The following LAMC3 variants were observed in gnomAD, a reference collection of about 807,000 sequenced individuals.
The protein encoded by LAMC3 is laminin subunit gamma-3.
LAMC3 carries 128 observed loss-of-function variants against 173.8 expected under a neutral mutation model. The observed-to-expected ratio is 0.74, with a 90% CI of 0.64 to 0.85. The LOEUF (loss-of-function observed/expected upper bound fraction) is 0.85. Ranked by LOEUF, LAMC3 falls within the 40% of genes least tolerant of loss-of-function variation. LAMC3 has a pLI of 0.00. For synonymous variants in LAMC3, 897 were observed against 909.1 expected (o/e 0.99, Z 0.24); for missense variants, 2,022 against 2,156.0 (o/e 0.94, Z 1.23).
At chr9:131,033,222 G>A (rs1477087179) in intron 3 of LAMC3, among the ~76,000 whole-genome samples, 2 of 152,232 alleles carry the variant, frequency 1.3e-5, no homozygotes, top group Non-Finnish European at 2.9e-5. Context: ...GGAGGGCTGT[G>A]GGACGAGGGA....
chr9:131,018,086 A>C (rs1210001793), intron 1 of LAMC3, among the ~76,000 whole-genome samples: 5 of 152,088 alleles, frequency 3.3e-5, no homozygotes, highest in Non-Finnish European at 7.4e-5. Flanking sequence ...GTGATGAAAA[A>C]GTTTCTTCCA....
At position 131,021,903 on chromosome 9, in the gene LAMC3, C is replaced by A. The variant is rs116031888; in HGVS notation, c.374-4382C>A. On this transcript the variant is annotated intron_variant, in intron 1 of 27. Coordinates refer to ENST00000361069, the MANE Select transcript of LAMC3 (RefSeq NM_006059.4). ...AGCAGGGTGAGGAACGGTGAAGGGA[C>A]GGGAGCTTCCATGCCCTCCCTGGGT... is the stretch of plus-strand genomic sequence containing the variant. Among the ~76,000 whole-genome samples, 1,039 of 152,272 alleles carry A rather than the reference C, an allele frequency of 6.8e-3. 12 individuals are homozygous for A. The highest frequency in any genetic ancestry group is 0.024 in the African/African-American group (1,005 of 41,556).
intron 12 of LAMC3, among the ~76,000 whole-genome samples, chr9:131,059,151 G>A (rs891952207): frequency 1.3e-5 from 2 of 151,512 alleles, no homozygotes; most frequent in Non-Finnish European, 2.9e-5. Context: ...AGCCGGGATC[G>A]CGCCGCTGCA....
At chr9:131,032,896 A>G (rs924146019) in intron 3 of LAMC3, among the ~76,000 whole-genome samples, 8 of 152,190 alleles carry the variant, frequency 5.3e-5, no homozygotes, top group African/African-American at 4.8e-5. Flanking sequence ...TTGAACTCCC[A>G]GCCTCAGGTG....
At chr9:131,043,372 C>G (rs1205520495) in intron 7 of LAMC3, among the ~76,000 whole-genome samples, 1 of 152,134 alleles carries the variant, frequency 6.6e-6, no homozygotes. Context: ...GGAGAAGTGG[C>G]AGATTCTGGG....
rs573197302 is a variant in LAMC3, at chr9:131,038,252, G to A, written c.977-612G>A. Among the ~76,000 whole-genome samples the A allele has an allele frequency of 2.1e-3, 321 of 152,284 alleles. 3 individuals carry two copies. The highest frequency in any genetic ancestry group is 2.8e-3 in the Non-Finnish European group (192 of 68,030). On this transcript the variant is annotated intron_variant, in intron 4 of 27. Coordinates refer to ENST00000361069, the MANE Select transcript of LAMC3 (RefSeq NM_006059.4). ...GCTCCCAAAGCCCCCAGCCTCTCCT[G>A]TCTCAGCCCTGCACCTGCAGGGGGT...
At chr9:131,021,923 C>T (rs1833632866) in intron 1 of LAMC3, among the ~76,000 whole-genome samples, 1 of 152,198 alleles carries the variant, frequency 6.6e-6, no homozygotes, top group Non-Finnish European at 1.5e-5. Flanking sequence ...CATGCCCTCC[C>T]TGGGTGCCAC....
At chr9:131,027,489 G>A (rs1285982677) in intron 2 of LAMC3, among the ~76,000 whole-genome samples, 1 of 152,186 alleles carries the variant, frequency 6.6e-6, no homozygotes, top group Non-Finnish European at 1.5e-5. Context: ...CCAACCAGCA[G>A]CACTTTCTGT....
rs1829953015 is a variant in LAMC3 at position 131,067,160 on chromosome 9, T to C, written c.2548T>C (p.Phe850Leu). Residue 850 changes from phenylalanine (F) to leucine (L), a missense_variant, in exon 14 of 28, where the codon TTC (phenylalanine) becomes CTC (leucine). Physicochemically the swap from Phe to Leu is conservative, Grantham distance 22. Transcript: ENST00000361069. ...CCACTGTGAGCACTGTCAGGAAGGC[T>C]TCTACGGGAGCGCCCTGGCCCCTCG... ...GDHCEHCQEG[F>L]YGSALAPRPA... is the part of the protein sequence containing the mutation. 5 of 1,614,104 alleles carry C rather than the reference T, an allele frequency of 3.1e-6. No individual in the cohort carries two copies. The highest frequency in any genetic ancestry group is 4.2e-6 in the Non-Finnish European group (5 of 1,180,022).
rs181757106 is a variant in LAMC3 at position 131,059,100 on chromosome 9, G to T, written c.2159-1935G>T. ...AATCCCAGCTACCTGGGAGGCTGAG[G>T]CATGAGAATTGCTTCAACCTGGGAG... On this transcript the variant is annotated intron_variant, in intron 12 of 27. Transcript: ENST00000361069. 8.7e-4 allele frequency among the ~76,000 whole-genome samples: 133 copies of T among 152,204 alleles called. 2 individuals are homozygous for T. Among genetic ancestry groups the T allele is most frequent in the African/African-American group, 3.1e-3 (129 of 41,506 alleles).
intron 1 of LAMC3, among the ~76,000 whole-genome samples, chr9:131,011,255 G>T (rs1424364426): frequency 2.0e-5 from 3 of 152,152 alleles, no homozygotes; most frequent in Non-Finnish European, 4.4e-5. Flanking sequence ...AACACATTTG[G>T]AGCCTAGGAG....
At chr9:131,017,014 C>T (rs1833532418) in intron 1 of LAMC3, among the ~76,000 whole-genome samples, 1 of 152,196 alleles carries the variant, frequency 6.6e-6, no homozygotes, top group Non-Finnish European at 1.5e-5. Context: ...CACAGCTTGG[C>T]ACCGTAACTC....
chr9:131,040,131 A>G (rs1247528823), intron 6 of LAMC3, among the ~76,000 whole-genome samples: 1 of 149,238 alleles, frequency 6.7e-6, no homozygotes, highest in Non-Finnish European at 1.5e-5. Context: ...TCTCTGCCTC[A>G]GCCTTCTGAG....
chr9:131,076,265 C>T (rs1830123805), intron 21 of LAMC3, among the ~76,000 whole-genome samples: 1 of 151,840 alleles, frequency 6.6e-6, no homozygotes, highest in African/African-American at 2.4e-5. Context: ...CATTCCCTGA[C>T]CCCCCTGGCC....
In LAMC3 at chr9:131,091,909, C is replaced by G; in HGVS notation, c.*122C>G. The G allele has an allele frequency of 8.9e-7, 1 of 1,120,360 alleles. No individual in the cohort carries two copies. The highest frequency in any genetic ancestry group is 1.2e-6 in the Non-Finnish European group (1 of 804,350). 69.4% of individuals were successfully genotyped at this position (1,120,360 alleles called of 1,614,324 possible). ...CCGGAGCCGGCTGCTGTGAACTCGC[C>G]CCCGTGTGGATAGTCACTCCCTGCC... On this transcript the variant is annotated 3_prime_UTR_variant, in exon 28 of 28. Coordinates refer to ENST00000361069, the MANE Select transcript of LAMC3 (RefSeq NM_006059.4).
Position 131,093,721 on chromosome 9 carries a change from G to A in LAMC3, c.*1934G>A, listed in dbSNP as rs544043506. On this transcript the variant is annotated 3_prime_UTR_variant, in exon 28 of 28. Coordinates refer to ENST00000361069, the MANE Select transcript of LAMC3 (RefSeq NM_006059.4). Reference sequence around the variant, plus strand: ...TAGGGAGGGGAGCCTGAGGCTTCCGGGATAGGTTGGCTTCCCTCTTCCCCC... The same window carrying A: ...TAGGGAGGGGAGCCTGAGGCTTCCGAGATAGGTTGGCTTCCCTCTTCCCCC... 3 of 152,378 alleles carry A rather than the reference G, an allele frequency of 2.0e-5. No individual in the cohort carries two copies. Among genetic ancestry groups the A allele is most frequent in the African/African-American group, 7.2e-5 (3 of 41,556 alleles). The allele number at this position is 152,378 out of a possible 1,614,324, so 9.4% of individuals were successfully genotyped here. A position where few individuals can be genotyped will look rare whatever the true frequency, so the allele number is the denominator to read the frequency against.
intron 21 of LAMC3, among the ~76,000 whole-genome samples, chr9:131,076,439 T>TGACATTCCTAAACGA (rs1046864477): frequency 1.6e-3 from 250 of 152,232 alleles, no homozygotes; most frequent in Non-Finnish European, 2.8e-3. Flanking sequence ...TTGAGCCCCT[T>TGACATTCCTAAACGA]GACATTCCTA....
intron 1 of LAMC3, among the ~76,000 whole-genome samples, chr9:131,014,524 C>T (rs1413326882): frequency 2.0e-5 from 3 of 152,246 alleles, no homozygotes; most frequent in Non-Finnish European, 2.9e-5. Context: ...GATTACACTG[C>T]GTGAGGGCTT....
chr9:131,068,317 T>C, intron 15 of LAMC3, 86 bp downstream of exon 15: 1 of 1,410,796 alleles, frequency 7.1e-7, no homozygotes, highest in Non-Finnish European at 9.7e-7. Context: ...GGGCCTGGTT[T>C]GGAAGGTGTT....
Sources: gnomAD v4.1 joint callset for allele counts (sites outside exome capture counted in the v4.1 genomes callset) on GRCh38, gnomAD v4.1.1 for gene constraint, MANE v1.5 for transcripts, NCBI Gene and HGNC (gene_info 2026-07-23, HGNC 2026-07-21) for gene names.